The following EDIL3 variants were observed in gnomAD, a reference collection of about 807,000 sequenced individuals.
EDIL3 encodes the protein EGF-like repeat and discoidin I-like domain-containing protein 3.
A neutral mutation model predicts 67.4 loss-of-function variants in EDIL3; 37 were observed. That is an observed-to-expected ratio of 0.55 (90% CI 0.42 to 0.72). The LOEUF (loss-of-function observed/expected upper bound fraction) is 0.72. Ranked by LOEUF, EDIL3 falls within the 30% of genes least tolerant of loss-of-function variation. The pLI, the probability that EDIL3 is intolerant of heterozygous loss-of-function variation, is 0.00. For missense variants in EDIL3, 527 were observed against 586.3 expected (o/e 0.90, Z 1.04); for synonymous variants, 195 against 196.3 (o/e 0.99, Z 0.05).
At chr5:84,287,680 A>C (rs1745834807) in intron 1 of EDIL3, among the ~76,000 whole-genome samples, 1 of 152,164 alleles carries the variant, frequency 6.6e-6, no homozygotes, top group African/African-American at 2.4e-5. Context: ...AAACGCTGCT[A>C]AATACAAATG....
intron 2 of EDIL3, among the ~76,000 whole-genome samples, chr5:84,240,914 G>T (rs1744781762): frequency 6.6e-6 from 1 of 152,002 alleles, no homozygotes; most frequent in Non-Finnish European, 1.5e-5. Context: ...CTTCTAGAAA[G>T]TTTCCCCATG....
chr5:84,320,376 GGT>G (rs1746610936), intron 1 of EDIL3, among the ~76,000 whole-genome samples: 1 of 151,846 alleles, frequency 6.6e-6, no homozygotes, highest in Non-Finnish European at 1.5e-5. Context: ...TGAAAGTCAG[GGT>G]GCACCTTAAA....
intron 1 of EDIL3, among the ~76,000 whole-genome samples, chr5:84,355,214 C>T (rs940064851): frequency 1.6e-4 from 25 of 151,972 alleles, no homozygotes; most frequent in African/African-American, 5.1e-4. Context: ...CTTGTCTTCA[C>T]GCTTTATTTC....
chr5:83,988,991 C>T (rs1297735924), intron 9 of EDIL3, among the ~76,000 whole-genome samples: 1 of 152,050 alleles, frequency 6.6e-6, no homozygotes, highest in African/African-American at 2.4e-5. Flanking sequence ...ATTTTTACAC[C>T]ATTGAAAGAT....
intron 9 of EDIL3, among the ~76,000 whole-genome samples, chr5:84,006,191 T>A (rs966165460): frequency 2.0e-5 from 3 of 151,624 alleles, no homozygotes; most frequent in Non-Finnish European, 4.4e-5. Context: ...TCAGACATTG[T>A]CACAAACCAA....
At chr5:83,983,751 T>C (rs1745012034) in intron 9 of EDIL3, among the ~76,000 whole-genome samples, 1 of 150,932 alleles carries the variant, frequency 6.6e-6, no homozygotes, top group African/African-American at 2.4e-5. Context: ...TCTTTTTTTT[T>C]TTTTTTTTCA....
intron 6 of EDIL3, among the ~76,000 whole-genome samples, chr5:84,073,776 G>A (rs1241950117): frequency 2.6e-5 from 4 of 152,050 alleles, no homozygotes; most frequent in Non-Finnish European, 5.9e-5. Context: ...TACTGCCCAA[G>A]GTAATTTATA....
At chr5:84,115,057 T>G (rs1747640971) in intron 5 of EDIL3, among the ~76,000 whole-genome samples, 1 of 152,200 alleles carries the variant, frequency 6.6e-6, no homozygotes, top group South Asian at 2.1e-4. Context: ...AAATCATTGC[T>G]TTTTGGAATT....
chr5:84,231,890 A>C (rs576115020), intron 2 of EDIL3, among the ~76,000 whole-genome samples: 2 of 152,338 alleles, frequency 1.3e-5, no homozygotes, highest in South Asian at 2.1e-4. Context: ...AAAAGAAAAA[A>C]AATCCTTACA....
intron 10 of EDIL3, 137 bp downstream of exon 10, chr5:83,963,068 G>C: frequency 8.5e-7 from 1 of 1,181,340 alleles, no homozygotes; most frequent in East Asian, 2.7e-5. Context: ...ATTCTTTAAA[G>C]CTTTTTATTT....
At chr5:84,219,818 G>C (rs1744304173) in intron 3 of EDIL3, among the ~76,000 whole-genome samples, 1 of 152,120 alleles carries the variant, frequency 6.6e-6, no homozygotes, top group African/African-American at 2.4e-5. Flanking sequence ...GCAATAACAT[G>C]GATGGAGCTG....
intron 10 of EDIL3, among the ~76,000 whole-genome samples, chr5:83,951,979 G>T (rs1416802524): frequency 6.6e-6 from 1 of 151,712 alleles, no homozygotes; most frequent in African/African-American, 2.4e-5. Context: ...GCTAGGAATT[G>T]CCAACATCCC....
At chr5:84,379,730 T>C (rs1275226204) in intron 1 of EDIL3, among the ~76,000 whole-genome samples, 2 of 152,050 alleles carry the variant, frequency 1.3e-5, no homozygotes, top group African/African-American at 4.8e-5. Context: ...CAAGTTAAAA[T>C]CCTATGGTAG....
At chr5:84,097,544 G>A (rs944409732) in intron 6 of EDIL3, among the ~76,000 whole-genome samples, 1 of 152,142 alleles carries the variant, frequency 6.6e-6, no homozygotes, top group Non-Finnish European at 1.5e-5. Context: ...CATATGTTTT[G>A]TGTTATGTTT....
At chr5:84,300,275 T>G (rs984861557) in intron 1 of EDIL3, among the ~76,000 whole-genome samples, 6 of 152,128 alleles carry the variant, frequency 3.9e-5, no homozygotes, top group African/African-American at 1.4e-4. Flanking sequence ...ACATCCCCTC[T>G]CCTCTGAATT....
chr5:84,039,418 G>A (rs1457274045), intron 9 of EDIL3, among the ~76,000 whole-genome samples: 5 of 152,220 alleles, frequency 3.3e-5, no homozygotes, highest in Admixed American at 1.3e-4. Flanking sequence ...CCACCAGAAC[G>A]AAATAGAGAT....
intron 4 of EDIL3, among the ~76,000 whole-genome samples, chr5:84,180,008 G>GT (rs371149286): frequency 0.46 from 68,485 of 147,674 alleles, 15,807 homozygotes; most frequent in Admixed American, 0.54. Flanking sequence ...TTTGTGTTTT[G>GT]TTTTTTTTTT....
intron 5 of EDIL3, among the ~76,000 whole-genome samples, chr5:84,117,031 T>TTA (rs1747679869): frequency 7.8e-6 from 1 of 127,878 alleles, no homozygotes; most frequent in Admixed American, 7.7e-5. Flanking sequence ...TTTTTTTTTT[T>TTA]TTTTTTTTTT....
At chr5:84,164,253 T>A (rs1254713852) in intron 4 of EDIL3, among the ~76,000 whole-genome samples, 2 of 152,104 alleles carry the variant, frequency 1.3e-5, no homozygotes, top group Non-Finnish European at 2.9e-5. Flanking sequence ...CTAGGATACT[T>A]ACTGGATTTG....
Sources: gnomAD v4.1 joint callset for allele counts (sites outside exome capture counted in the v4.1 genomes callset) on GRCh38, gnomAD v4.1.1 for gene constraint, MANE v1.5 for transcripts, NCBI Gene and HGNC (gene_info 2026-07-23, HGNC 2026-07-21) for gene names.